INPP4B: variants seen among roughly 807,000 people sequenced by gnomAD.
INPP4B encodes inositol polyphosphate-4-phosphatase type II B, also known as inositol polyphosphate 4-phosphatase type II.
A neutral mutation model predicts 122.5 loss-of-function variants in INPP4B; 55 were observed. The observed-to-expected ratio is 0.45, with a 90% CI of 0.36 to 0.56. The LOEUF is 0.56. Ranked by LOEUF, INPP4B falls within the 20% of genes least tolerant of loss-of-function variation. The pLI is 0.00. For missense variants in INPP4B, 1,000 were observed against 1,097.7 expected (o/e 0.91, Z 1.26); for synonymous variants, 403 against 388.7 (o/e 1.04, Z -0.43).
chr4:142,572,784 A>G (rs1278018347), intron 2 of INPP4B, among the ~76,000 whole-genome samples: 1 of 151,968 alleles, frequency 6.6e-6, no homozygotes, highest in African/African-American at 2.4e-5. Context: ...CATGTTTATG[A>G]GTACCATAAT....
rs115715772 is a variant in INPP4B, at chr4:142,184,400, A to G, written c.1181+8687T>C. Reference sequence around the variant, plus strand: ...TGCCAAATAGTTGTTTTCAAAGCCTATAAGACATTTTCCACAAGTGTCTTT... The same window carrying G: ...TGCCAAATAGTTGTTTTCAAAGCCTGTAAGACATTTTCCACAAGTGTCTTT... On this transcript the variant is annotated intron_variant, in intron 15 of 25. Transcript: ENST00000262992. Among the ~76,000 whole-genome samples the G allele has an allele frequency of 5.8e-3, 885 of 152,314 alleles. 9 individuals carry two copies. Among genetic ancestry groups the G allele is most frequent in the African/African-American group, 0.02 (848 of 41,560 alleles).
chr4:142,072,006 T>C (rs1011546872), intron 25 of INPP4B, among the ~76,000 whole-genome samples: 1 of 152,146 alleles, frequency 6.6e-6, no homozygotes, highest in African/African-American at 2.4e-5. Flanking sequence ...CAAAGGATTA[T>C]AAATCATGCT....
At chr4:142,601,915 G>C (rs182517561) in intron 2 of INPP4B, among the ~76,000 whole-genome samples, 5 of 129,004 alleles carry the variant, frequency 3.9e-5, no homozygotes, top group Non-Finnish European at 6.2e-5. Flanking sequence ...CTTGCAGTAA[G>C]CCAAGATTGC....
At chr4:142,549,215 T>C (rs1181086728) in intron 2 of INPP4B, among the ~76,000 whole-genome samples, 1 of 152,130 alleles carries the variant, frequency 6.6e-6, no homozygotes, top group Non-Finnish European at 1.5e-5. Context: ...TTGAAGTTTT[T>C]TTCTCTTCTC....
chr4:142,788,181 T>TA lies in INPP4B; in HGVS notation c.-254+58027dup, dbSNP rs200560926. ...AGTACATTTAGAGCAAATAATAACT[T>TA]AAAAAATAGGCAATATTAATAACTT... On this transcript the variant is annotated intron_variant, in intron 1 of 25. Transcript: ENST00000262992. Among the ~76,000 whole-genome samples the TA allele has an allele frequency of 1.1e-3, 174 of 152,202 alleles. 4 individuals carry two copies. The East Asian group carries it at 0.028, about 24-fold the overall frequency.
At chr4:142,477,490 A>G (rs1010812423) in intron 2 of INPP4B, among the ~76,000 whole-genome samples, 14 of 151,748 alleles carry the variant, frequency 9.2e-5, no homozygotes, top group Non-Finnish European at 5.9e-5. Context: ...TAAATCCAGA[A>G]GTTGCTTTTT....
At chr4:142,383,284 T>C in intron 7 of INPP4B, among the ~76,000 whole-genome samples, 1 of 152,186 alleles carries the variant, frequency 6.6e-6, no homozygotes, top group East Asian at 1.9e-4. Context: ...ACCTACCTAG[T>C]CCTCATAAAA....
chr4:142,523,340 G>A (rs1417700928), intron 2 of INPP4B, among the ~76,000 whole-genome samples: 1 of 152,118 alleles, frequency 6.6e-6, no homozygotes, highest in Non-Finnish European at 1.5e-5. Flanking sequence ...ATGAGTGGGA[G>A]GTGATGCTGA....
rs1224307579 is a variant in INPP4B, at chr4:142,028,371, C to A, written c.*411G>T. 8.5e-6 allele frequency: 2 copies of A among 234,546 alleles called. No individual in the cohort carries two copies. The highest frequency in any genetic ancestry group is 4.4e-5 in the African/African-American group (2 of 45,170). The allele number at this position is 234,546 out of a possible 1,614,324, so 14.5% of individuals were successfully genotyped here. A position where few individuals can be genotyped will look rare whatever the true frequency, so the allele number is the denominator to read the frequency against. Reference sequence around the variant, plus strand: ...GTTCTCATAGGCTATTAAGTTGTATCACAAAAAAAATATGTTCCTTTTCCC... The same window carrying A: ...GTTCTCATAGGCTATTAAGTTGTATAACAAAAAAAATATGTTCCTTTTCCC... On this transcript the variant is annotated 3_prime_UTR_variant, in exon 26 of 26. Coordinates refer to ENST00000262992, the MANE Select transcript of INPP4B (RefSeq NM_001101669.3).
At chr4:142,655,318 T>C (rs976673122) in intron 2 of INPP4B, among the ~76,000 whole-genome samples, 2 of 152,186 alleles carry the variant, frequency 1.3e-5, no homozygotes, top group African/African-American at 4.8e-5. Context: ...TTCTAAGCTT[T>C]CATTTACAGG....
At chr4:142,748,678 A>C (rs1340499140) in intron 1 of INPP4B, among the ~76,000 whole-genome samples, 1 of 151,664 alleles carries the variant, frequency 6.6e-6, no homozygotes, top group East Asian at 1.9e-4. Context: ...GAAAAAAAAA[A>C]TAGAAAATTG....
At chr4:142,823,067 T>G (rs1200452433) in intron 1 of INPP4B, among the ~76,000 whole-genome samples, 2 of 152,068 alleles carry the variant, frequency 1.3e-5, no homozygotes, top group South Asian at 2.1e-4. Context: ...ACACTGGCAG[T>G]AAAATGCTCA....
At chr4:142,405,159 A>AAG (rs3076598) in intron 6 of INPP4B, 47 bp downstream of exon 6, 1,945 of 964,034 alleles carry the variant, frequency 2.0e-3, no homozygotes, top group South Asian at 4.0e-3. Context: ...GCGAGCCAGC[A>AAG]AGAGAGAGAG....
intron 12 of INPP4B, among the ~76,000 whole-genome samples, chr4:142,229,268 A>G (rs1208665734): frequency 6.6e-6 from 1 of 152,128 alleles, no homozygotes; most frequent in African/African-American, 2.4e-5. Flanking sequence ...GTAGGGAACC[A>G]TTTGTGAAGG....
chr4:142,244,681 A>G (rs1189517716), intron 11 of INPP4B, among the ~76,000 whole-genome samples: 2 of 152,158 alleles, frequency 1.3e-5, no homozygotes, highest in Admixed American at 6.5e-5. Flanking sequence ...CAGTGCTGCA[A>G]TAAACATACG....
chr4:142,683,659 C>T (rs1000153307), intron 2 of INPP4B, among the ~76,000 whole-genome samples: 3 of 151,584 alleles, frequency 2.0e-5, no homozygotes, highest in Non-Finnish European at 4.4e-5. Flanking sequence ...ACTACCAACT[C>T]TTGGGAATGA....
At chr4:142,170,449 T>C (rs1482690677) in intron 16 of INPP4B, among the ~76,000 whole-genome samples, 4 of 151,656 alleles carry the variant, frequency 2.6e-5, no homozygotes, top group Non-Finnish European at 5.9e-5. Flanking sequence ...AGCATCCATA[T>C]AGCAATCTGA....
intron 2 of INPP4B, among the ~76,000 whole-genome samples, chr4:142,688,261 C>T (rs1759656193): frequency 6.6e-6 from 1 of 152,112 alleles, no homozygotes; most frequent in Non-Finnish European, 1.5e-5. Flanking sequence ...TTTTCACACA[C>T]AAAGAGAATT....
At chr4:142,571,770 A>T (rs1732884391) in intron 2 of INPP4B, among the ~76,000 whole-genome samples, 1 of 152,176 alleles carries the variant, frequency 6.6e-6, no homozygotes, top group African/African-American at 2.4e-5. Context: ...AATTTGAATA[A>T]GATTATTCCA....
Sources: allele counts gnomAD v4.1 joint callset (sites outside exome capture counted in the v4.1 genomes callset), GRCh38; gene constraint gnomAD v4.1.1; transcripts MANE v1.5; gene names NCBI Gene and HGNC (gene_info 2026-07-23, HGNC 2026-07-21).